Variants in CDC73 observed in about 807,000 individuals in gnomAD.
CDC73 encodes the protein parafibromin.
In CDC73, 21 loss-of-function variants were observed where a neutral mutation model predicts 83.7. The ratio of observed to expected loss-of-function variants is 0.25; its 90% CI spans 0.18 to 0.36. The LOEUF (loss-of-function observed/expected upper bound fraction) is 0.36. Ranked by LOEUF, CDC73 falls within the 10% of genes least tolerant of loss-of-function variation. The pLI, the probability that CDC73 is intolerant of heterozygous loss-of-function variation, is 1.00. For missense variants in CDC73, 342 were observed against 653.3 expected, an observed-to-expected ratio of 0.52 and a Z score of 5.19; for synonymous variants, 224 against 212.9, an observed-to-expected ratio of 1.05 and a Z score of -0.45.
At chr1:193,249,445 C>CGTTCA (rs1258011209) in intron 15 of CDC73, among the ~76,000 whole-genome samples, 1 of 151,832 alleles carries the variant, frequency 6.6e-6, no homozygotes, top group East Asian at 1.9e-4. Flanking sequence ...TGGAACTGAA[C>CGTTCA]CCACAATATC....
At position 193,209,709 on chromosome 1, in the gene CDC73, T is replaced by C. The variant is rs529162928; in HGVS notation, c.1031-2356T>C. 1.3e-5 allele frequency among the ~76,000 whole-genome samples: 2 copies of C among 152,294 alleles called. 1 individual carries two copies. Among genetic ancestry groups the C allele is most frequent in the African/African-American group, 4.8e-5 (2 of 41,566 alleles). ...CTCTAAACTTTATTTTTAACATTTG[T>C]GAGTTTTTTTATTTTGCCTTTTTCT... On this transcript the variant is annotated intron_variant, in intron 11 of 16. Coordinates refer to ENST00000367435, the MANE Select transcript of CDC73 (RefSeq NM_024529.5).
chr1:193,144,112 C>CAAAAAAAAAAAAAA (rs67477778), intron 7 of CDC73, among the ~76,000 whole-genome samples: 5 of 64,372 alleles, frequency 7.8e-5, no homozygotes, highest in Admixed American at 2.3e-4. Context: ...TCTGTCTCAC[C>CAAAAAAAAAAAAAA]AAAAAAAAAA....
rs796326604 is a variant in CDC73 at position 193,162,144 on chromosome 1, T to C, written c.972+9700T>C. Among the ~76,000 whole-genome samples, 588 of 96,254 alleles carry C rather than the reference T, an allele frequency of 6.1e-3. 5 individuals are homozygous for C. Among genetic ancestry groups the C allele is most frequent in the East Asian group, 0.018 (61 of 3,420 alleles). 63.1% of individuals were successfully genotyped at this position (96,254 alleles called of 152,430 possible). ...CTATTATATTGTATATAATATATAT[T>C]ATATATTATCTATTATATTGTATAT... On this transcript the variant is annotated intron_variant, in intron 10 of 16. Transcript: ENST00000367435.
At chr1:193,217,777 A>G (rs1177033101) in intron 13 of CDC73, among the ~76,000 whole-genome samples, 1 of 152,098 alleles carries the variant, frequency 6.6e-6, no homozygotes. Context: ...ACGTAGGTTC[A>G]TGAGGGTGGA....
chr1:193,198,242 A>C (rs1308919784), intron 10 of CDC73, among the ~76,000 whole-genome samples: 1 of 152,208 alleles, frequency 6.6e-6, no homozygotes, highest in Non-Finnish European at 1.5e-5. Context: ...TAGTATAATG[A>C]GGTGTTATGG....
At chr1:193,196,360 C>G (rs1677003561) in intron 10 of CDC73, among the ~76,000 whole-genome samples, 1 of 152,056 alleles carries the variant, frequency 6.6e-6, no homozygotes, top group African/African-American at 2.4e-5. Flanking sequence ...GTCTTTATGC[C>G]TCTTCTGTTT....
At chr1:193,146,011 G>A (rs1675994309) in intron 7 of CDC73, among the ~76,000 whole-genome samples, 1 of 152,154 alleles carries the variant, frequency 6.6e-6, no homozygotes, top group Admixed American at 6.6e-5. Context: ...GAGTAAAGAG[G>A]AGTGATACCT....
intron 1 of CDC73, 49 bp downstream of exon 1, chr1:193,122,380 GC>G: frequency 6.2e-7 from 1 of 1,612,240 alleles, no homozygotes; most frequent in Non-Finnish European, 8.5e-7. Context: ...AGAGTTGGGC[GC>G]CCCCAGGCGA....
At chr1:193,213,157 C>T (rs965418852) in intron 13 of CDC73, among the ~76,000 whole-genome samples, 12 of 152,020 alleles carry the variant, frequency 7.9e-5, no homozygotes, top group African/African-American at 2.9e-4. Flanking sequence ...GTAGACATAC[C>T]ACTTTTAAAT....
rs1447812203 is a variant in CDC73 at position 193,224,632 on chromosome 1, CACAT to C, written c.1155-8359_1155-8356del. ...TATATGAAATATGCATTCACATACA[CACAT>C]ATATGAAATCATTCGCATATACACA... On this transcript the variant is annotated intron_variant, in intron 13 of 16. Coordinates refer to ENST00000367435, the MANE Select transcript of CDC73 (RefSeq NM_024529.5). Among the ~76,000 whole-genome samples, 17 of 151,932 alleles carry C rather than the reference CACAT, an allele frequency of 1.1e-4. No individual in the cohort carries two copies. In the East Asian group the frequency reaches 2.5e-3, roughly 22 times the overall value.
At chr1:193,247,865 T>A (rs1677980194) in intron 15 of CDC73, among the ~76,000 whole-genome samples, 1 of 152,038 alleles carries the variant, frequency 6.6e-6, no homozygotes, top group African/African-American at 2.4e-5. Flanking sequence ...CAGTAGATGG[T>A]TCATGGATTT....
intron 10 of CDC73, among the ~76,000 whole-genome samples, chr1:193,172,103 T>G (rs535289010): frequency 6.6e-6 from 1 of 152,062 alleles, no homozygotes; most frequent in Non-Finnish European, 1.5e-5. Flanking sequence ...ATTTGTATTT[T>G]TAGTTTGGAT....
intron 10 of CDC73, among the ~76,000 whole-genome samples, chr1:193,187,224 G>A (rs1279914057): frequency 6.6e-6 from 1 of 150,650 alleles, no homozygotes; most frequent in African/African-American, 2.4e-5. Context: ...CTTGATGGCA[G>A]AAAACTTTAT....
At chr1:193,224,525 A>ATGAAATATGCATTCACATATACACATG (rs1558316818) in intron 13 of CDC73, among the ~76,000 whole-genome samples, 18 of 152,100 alleles carry the variant, frequency 1.2e-4, no homozygotes, top group Admixed American at 5.9e-4. Context: ...ATACACATAT[A>ATGAAATATGCATTCACATATACACATG]TGAAATATGC....
chr1:193,220,375 G>C (rs1677447044), intron 13 of CDC73, among the ~76,000 whole-genome samples: 1 of 151,694 alleles, frequency 6.6e-6, no homozygotes, highest in African/African-American at 2.4e-5. Flanking sequence ...TGTTGGTCAG[G>C]CTGGTCTCAA....
chr1:193,179,653 AT>A (rs1229651814), intron 10 of CDC73: 7 of 152,712 alleles, frequency 4.6e-5, no homozygotes, highest in African/African-American at 9.6e-5. Flanking sequence ...TGTCAAAATA[AT>A]TTTCCCCCAT....
chr1:193,202,916 G>A (rs1260052168), intron 10 of CDC73, among the ~76,000 whole-genome samples: 1 of 151,760 alleles, frequency 6.6e-6, no homozygotes, highest in African/African-American at 2.4e-5. Flanking sequence ...TGTTTTTTGT[G>A]ATGCTAATAT....
intron 10 of CDC73, among the ~76,000 whole-genome samples, chr1:193,202,643 T>G (rs2103177135): frequency 1.4e-5 from 2 of 144,946 alleles, no homozygotes; most frequent in East Asian, 4.0e-4. Flanking sequence ...CTTCTTGGAG[T>G]TTTTGCTACC....
At chr1:193,143,429 A>G (rs968766815) in intron 7 of CDC73, among the ~76,000 whole-genome samples, 10 of 152,244 alleles carry the variant, frequency 6.6e-5, no homozygotes, top group Non-Finnish European at 1.2e-4. Flanking sequence ...TACCCTACCT[A>G]ACTTTTAGAC....
Sources: gnomAD v4.1 joint callset for allele counts (sites outside exome capture counted in the v4.1 genomes callset) on GRCh38, gnomAD v4.1.1 for gene constraint, MANE v1.5 for transcripts, NCBI Gene and HGNC (gene_info 2026-07-23, HGNC 2026-07-21) for gene names.